Variants in RTN1 observed in about 807,000 individuals in gnomAD.
RTN1 encodes the protein reticulon-1.
In RTN1, 25 loss-of-function variants were observed where a neutral mutation model predicts 65.5. The ratio of observed to expected loss-of-function variants is 0.38; its 90% CI spans 0.28 to 0.53. The LOEUF is 0.53. RTN1 is among the 20% of genes least tolerant of loss of function. The pLI is 0.79. For synonymous variants in RTN1, 471 were observed against 447.6 expected (o/e 1.05, Z -0.66); for missense variants, 983 against 1,025.4 (o/e 0.96, Z 0.57).
chr14:59,847,481 A>T (rs1328041409), intron 1 of RTN1, among the ~76,000 whole-genome samples: 4 of 152,238 alleles, frequency 2.6e-5, no homozygotes, highest in Non-Finnish European at 5.9e-5. Context: ...AAGTGTTAAA[A>T]TTACTTGTTA....
chr14:59,667,280 C>T (rs1883400339), intron 3 of RTN1, among the ~76,000 whole-genome samples: 1 of 152,168 alleles, frequency 6.6e-6, no homozygotes, highest in Admixed American at 6.6e-5. Flanking sequence ...TCGGCTTCAT[C>T]ACTGGGATGC....
chr14:59,735,656 G>C (rs902840289), intron 2 of RTN1, among the ~76,000 whole-genome samples: 5 of 152,144 alleles, frequency 3.3e-5, no homozygotes, highest in African/African-American at 1.2e-4. Context: ...ATTACATAAT[G>C]GTAAAGGATT....
At chr14:59,630,308 G>T (rs1442887749) in intron 3 of RTN1, 1 of 1,056,116 alleles carries the variant, frequency 9.5e-7, no homozygotes, top group Non-Finnish European at 1.4e-6. Flanking sequence ...GAAATAAGAG[G>T]TTTACTACCC....
At chr14:59,787,908 G>A (rs1170568133) in intron 1 of RTN1, among the ~76,000 whole-genome samples, 1 of 151,978 alleles carries the variant, frequency 6.6e-6, no homozygotes, top group Admixed American at 6.6e-5. Flanking sequence ...AGCCTAAATC[G>A]ATTTCTATAC....
At chr14:59,754,912 T>A (rs1327960360) in intron 1 of RTN1, among the ~76,000 whole-genome samples, 2 of 152,108 alleles carry the variant, frequency 1.3e-5, no homozygotes, top group South Asian at 4.1e-4. Context: ...CAGGTGGCGG[T>A]TCATTACGTA....
At chr14:59,806,129 G>C (rs962613118) in intron 1 of RTN1, among the ~76,000 whole-genome samples, 4 of 152,014 alleles carry the variant, frequency 2.6e-5, no homozygotes. Flanking sequence ...CCAGCTACTT[G>C]GGAGGCTGAG....
intron 3 of RTN1, among the ~76,000 whole-genome samples, chr14:59,699,537 T>C (rs1884137360): frequency 6.6e-6 from 1 of 152,134 alleles, no homozygotes; most frequent in Admixed American, 6.6e-5. Flanking sequence ...GTTAAGAATT[T>C]AGTGTGGAGG....
chr14:59,852,842 T>G (rs1198770530), intron 1 of RTN1, among the ~76,000 whole-genome samples: 1 of 152,232 alleles, frequency 6.6e-6, no homozygotes, highest in African/African-American at 2.4e-5. Flanking sequence ...TTTGCCTGAT[T>G]TAGACTGCTC....
chr14:59,749,312 A>C (rs1322439550), intron 1 of RTN1, among the ~76,000 whole-genome samples: 1 of 53,678 alleles, frequency 1.9e-5, no homozygotes, highest in Non-Finnish European at 2.9e-5. Context: ...ATATATCTAT[A>C]TATATATCTA....
intron 3 of RTN1, among the ~76,000 whole-genome samples, chr14:59,689,040 C>T (rs1032464304): frequency 2.0e-5 from 3 of 151,966 alleles, no homozygotes; most frequent in Middle Eastern, 3.4e-3. Flanking sequence ...ACAAGATCCA[C>T]GACAAGGTTG....
At chr14:59,768,337 A>G (rs1157735973) in intron 1 of RTN1, among the ~76,000 whole-genome samples, 1 of 152,230 alleles carries the variant, frequency 6.6e-6, no homozygotes, top group Non-Finnish European at 1.5e-5. Context: ...TTCTTTGGCA[A>G]CACAAAGACA....
rs767482992 is a variant in RTN1 at position 59,746,125 on chromosome 14, T to G, written c.598A>C (p.Thr200Pro). 2.4e-5 allele frequency: 38 copies of G among 1,611,554 alleles called. No individual in the cohort carries two copies. Among genetic ancestry groups the G allele is most frequent in the Middle Eastern group, 3.3e-4 (2 of 6,040 alleles). Residue 200 changes from threonine (T) to proline (P), a missense_variant, in exon 2 of 9, where the codon ACC (threonine) becomes CCC (proline). By Grantham distance (38) the Thr-to-Pro change is conservative. Coordinates refer to ENST00000267484, the MANE Select transcript of RTN1 (RefSeq NM_021136.3). ...TGGTGCTTCACCTCCTCGGGTCTGGTTATGTCAATGTATTTATAGGCCTCT... is the reference window on the plus strand; with the variant it reads ...TGGTGCTTCACCTCCTCGGGTCTGGGTATGTCAATGTATTTATAGGCCTCT... Reference protein sequence around the residue: ...KAEAYKYIDITRPEEVKHQEQ... With the variant: ...KAEAYKYIDIPRPEEVKHQEQ...
chr14:59,819,437 C>CG (rs1886893642), intron 1 of RTN1, among the ~76,000 whole-genome samples: 2 of 48,450 alleles, frequency 4.1e-5, no homozygotes, highest in African/African-American at 1.8e-4. Flanking sequence ...CCCCCACCCC[C>CG]CCCCCCCGGC....
At chr14:59,861,832 A>T (rs982905380) in intron 1 of RTN1, among the ~76,000 whole-genome samples, 2 of 152,042 alleles carry the variant, frequency 1.3e-5, no homozygotes, top group Non-Finnish European at 2.9e-5. Context: ...AATTTCTTTA[A>T]CTATCTCTCA....
intron 4 of RTN1, 89 bp from the exon 5 acceptor site, chr14:59,605,595 TCTCA>T: frequency 7.1e-7 from 1 of 1,407,692 alleles, no homozygotes; most frequent in African/African-American, 1.4e-5. Context: ...GCGTTCCTAC[TCTCA>T]CTCTGAGGGT....
chr14:59,749,224 A>G lies in RTN1; in HGVS notation c.242-2743T>C, dbSNP rs1258491268. Among the ~76,000 whole-genome samples the G allele has an allele frequency of 5.2e-5, 4 of 76,636 alleles. 1 individual carries two copies. The highest frequency in any genetic ancestry group is 8.2e-5 in the Non-Finnish European group (4 of 48,822). 50.3% of individuals were successfully genotyped at this position (76,636 alleles called of 152,430 possible). A position where few individuals can be genotyped will look rare whatever the true frequency, so the allele number is the denominator to read the frequency against. On this transcript the variant is annotated intron_variant, in intron 1 of 8. Transcript: ENST00000267484. Reference sequence around the variant, plus strand: ...TATATATATATCTATATATATCTATATATCTATATATATCTATATATATCT... The same window carrying G: ...TATATATATATCTATATATATCTATGTATCTATATATATCTATATATATCT...
At chr14:59,637,667 G>A (rs1394486215) in intron 3 of RTN1, among the ~76,000 whole-genome samples, 6 of 148,224 alleles carry the variant, frequency 4.0e-5, no homozygotes, top group South Asian at 4.3e-4. Context: ...AGCCAAGATC[G>A]TGCCACTGCA....
rs1001132060 is a variant in RTN1 at position 59,829,991 on chromosome 14, T to G, written c.241+40399A>C. Among the ~76,000 whole-genome samples the G allele has an allele frequency of 4.6e-5, 7 of 152,208 alleles. No individual in the cohort carries two copies. Among genetic ancestry groups the G allele is most frequent in the African/African-American group, 1.4e-4 (6 of 41,442 alleles). ...TTTATTTTAAAAAAATAGCATGTATTTTTGGGTTTAGTCTTGTGTGACTTT... is the reference window on the plus strand; with the variant it reads ...TTTATTTTAAAAAAATAGCATGTATGTTTGGGTTTAGTCTTGTGTGACTTT... On this transcript the variant is annotated intron_variant, in intron 1 of 8. Coordinates refer to ENST00000267484, the MANE Select transcript of RTN1 (RefSeq NM_021136.3). The surrounding 1 kb of genome is among the most constrained non-coding windows in gnomAD (Gnocchi z 4.3).
At chr14:59,827,167 C>T (rs1887046357) in intron 1 of RTN1, among the ~76,000 whole-genome samples, 1 of 152,126 alleles carries the variant, frequency 6.6e-6, no homozygotes. Flanking sequence ...CGAGCTCTGT[C>T]TCCCGGGTTC....
Sources: gnomAD v4.1 joint callset for allele counts (sites outside exome capture counted in the v4.1 genomes callset) on GRCh38, gnomAD v4.1.1 for gene constraint, Gnocchi (gnomAD v3.1) non-coding constraint, MANE v1.5 for transcripts, NCBI Gene and HGNC (gene_info 2026-07-23, HGNC 2026-07-21) for gene names.